Variants in COG7 observed in about 807,000 individuals in gnomAD.
COG7 encodes the protein component of oligomeric golgi complex 7, also known as conserved oligomeric Golgi complex subunit 7.
Under a neutral mutation model 91.5 loss-of-function variants are expected in COG7, and 49 were observed. The observed-to-expected ratio is 0.54, with a 90% CI of 0.43 to 0.68. The LOEUF (loss-of-function observed/expected upper bound fraction) is 0.68, where lower values mean the gene tolerates loss of function less well. COG7 is among the 30% of genes least tolerant of loss of function. The pLI is 0.00. For missense variants in COG7, 895 were observed against 961.3 expected (o/e 0.93, Z 0.91); for synonymous variants, 365 against 388.7 (o/e 0.94, Z 0.72).
chr16:23,394,016 C>G (rs1304322370), intron 14 of COG7, among the ~76,000 whole-genome samples: 1 of 148,344 alleles, frequency 6.7e-6, no homozygotes, highest in African/African-American at 2.5e-5. Context: ...GCACTGCAGC[C>G]TGGGCAGACT....
rs1963137091 is a variant in COG7, at chr16:23,388,849, TG to T, written c.*70del. The T allele has an allele frequency of 6.2e-7, 1 of 1,609,032 alleles. No individual in the cohort carries two copies. Among genetic ancestry groups the T allele is most frequent in the African/African-American group, 1.3e-5 (1 of 74,516 alleles). On this transcript the variant is annotated 3_prime_UTR_variant, in exon 17 of 17. Coordinates refer to ENST00000307149, the MANE Select transcript of COG7 (RefSeq NM_153603.4). ...TCTGCCCAATCTTGGGCAGAGTTTC[TG>T]AGCAAATCTGTGCTGGTGAGTCGCG...
rs566786732 is a variant in COG7 at position 23,427,726 on chromosome 16, C to T, written c.811-2779G>A. Among the ~76,000 whole-genome samples, 40 of 152,232 alleles carry T rather than the reference C, an allele frequency of 2.6e-4. No individual in the cohort carries two copies. In the South Asian group the frequency reaches 7.1e-3, roughly 27 times the overall value. Reference sequence around the variant, plus strand: ...CCCTCTGACTCTCTGTTCTTGTGGTCCATTCATCAGTTACCAGGTCCTAAC... The same window carrying T: ...CCCTCTGACTCTCTGTTCTTGTGGTTCATTCATCAGTTACCAGGTCCTAAC... On this transcript the variant is annotated intron_variant, in intron 6 of 16. Transcript: ENST00000307149.
chr16:23,398,188 C>G, intron 13 of COG7, 59 bp from the exon 14 acceptor site: 2 of 1,378,942 alleles, frequency 1.5e-6, no homozygotes, highest in Non-Finnish European at 2.1e-6. Flanking sequence ...TGTGAAGACG[C>G]CACCCAGAAA....
chr16:23,400,289 A>C (rs1963352855), intron 13 of COG7, among the ~76,000 whole-genome samples: 1 of 152,310 alleles, frequency 6.6e-6, no homozygotes, highest in Admixed American at 6.5e-5. Flanking sequence ...AAGCTCAAAA[A>C]CAGCTCAGAG....
At chr16:23,415,148 G>C (rs1259695490) in intron 9 of COG7, 1 of 152,284 alleles carries the variant, frequency 6.6e-6, no homozygotes, top group African/African-American at 2.4e-5. Flanking sequence ...TGCACCAAGA[G>C]AGGTGACAGC....
intron 4 of COG7, among the ~76,000 whole-genome samples, chr16:23,436,276 T>C (rs1337941492): frequency 6.6e-6 from 1 of 152,172 alleles, no homozygotes; most frequent in African/African-American, 2.4e-5. Flanking sequence ...AAAAATTAAT[T>C]AAAATAATTC....
At chr16:23,437,986 G>A (rs1964037725) in intron 4 of COG7, among the ~76,000 whole-genome samples, 1 of 151,554 alleles carries the variant, frequency 6.6e-6, no homozygotes, top group African/African-American at 2.4e-5. Flanking sequence ...TCGGGAAGCT[G>A]AGGCAGGAGA....
rs144384022 is a variant in COG7 at position 23,399,359 on chromosome 16, C to T, written c.1804-1230G>A. On this transcript the variant is annotated intron_variant, in intron 13 of 16. Transcript: ENST00000307149. ...TGTCTCAAAAGAGCCTACATTTTTT[C>T]CAGCTAACTCCCAATCCAGCGAGAA... Among the ~76,000 whole-genome samples, 3 of 152,260 alleles carry T rather than the reference C, an allele frequency of 2.0e-5. No individual in the cohort carries two copies. The East Asian group carries it at 5.8e-4, about 29-fold the overall frequency.
intron 16 of COG7, among the ~76,000 whole-genome samples, chr16:23,389,514 C>G (rs1216688408): frequency 6.6e-6 from 1 of 152,174 alleles, no homozygotes; most frequent in Non-Finnish European, 1.5e-5. Context: ...GAAGGACCAG[C>G]TGACCTCACC....
At chr16:23,392,917 C>G (rs1419162087) in intron 15 of COG7, among the ~76,000 whole-genome samples, 3 of 152,066 alleles carry the variant, frequency 2.0e-5, no homozygotes, top group African/African-American at 7.2e-5. Flanking sequence ...GGTGACACAG[C>G]AAGACTCTGT....
intron 2 of COG7, 71 bp downstream of exon 2, chr16:23,445,742 C>G: frequency 1.7e-5 from 26 of 1,506,862 alleles, no homozygotes; most frequent in Non-Finnish European, 2.4e-5. Flanking sequence ...TTCTAAAGCC[C>G]TTACGAGAGT....
rs773663564 is a variant in COG7 at position 23,452,908 on chromosome 16, C to G, written c.87G>C (p.Ala29=). ...CTGCGTGGCCATCCGCCTTCCCGGA[C>G]GCCGCCTCCTTGGAGCCGGCCCTGA... ...AAFRAGSKEA[A]SGKADGHAAT... The change falls in exon 1 of 17, where the codon GCG becomes GCC. Residue 29 remains alanine, a synonymous_variant. Transcript: ENST00000307149. The G allele has an allele frequency of 3.7e-6, 6 of 1,614,078 alleles. No individual in the cohort carries two copies. The highest frequency in any genetic ancestry group is 5.1e-6 in the Non-Finnish European group (6 of 1,179,992).
intron 6 of COG7, among the ~76,000 whole-genome samples, chr16:23,431,731 C>T (rs1378384814): frequency 6.6e-6 from 1 of 150,756 alleles, no homozygotes; most frequent in African/African-American, 2.4e-5. Context: ...ATTGCTTGAA[C>T]CAGAGAGGCG....
chr16:23,444,693 C>T (rs1050545635), intron 3 of COG7, among the ~76,000 whole-genome samples: 1 of 151,572 alleles, frequency 6.6e-6, no homozygotes, highest in South Asian at 2.1e-4. Context: ...TTTGTAGAGA[C>T]GGGGGTCTCA....
At chr16:23,400,008 T>C (rs1008311571) in intron 13 of COG7, among the ~76,000 whole-genome samples, 1 of 152,184 alleles carries the variant, frequency 6.6e-6, no homozygotes, top group Non-Finnish European at 1.5e-5. Flanking sequence ...TGATTATTTT[T>C]AGAGTCCTTC....
At position 23,445,928 on chromosome 16, in the gene COG7, T is replaced by C. The variant is rs1340577280; in HGVS notation, c.203A>G (p.Lys68Arg). The C allele has an allele frequency of 6.2e-7, 1 of 1,613,016 alleles. No individual in the cohort carries two copies. The highest frequency in any genetic ancestry group is 1.3e-5 in the African/African-American group (1 of 74,654). Reference sequence around the variant, plus strand: ...TAGGGCTTCAACATCACGGAGCACTTTGGGCATGTTCTGGAGAGCTTGGTG... The same window carrying C: ...TAGGGCTTCAACATCACGGAGCACTCTGGGCATGTTCTGGAGAGCTTGGTG... Reference protein sequence around the residue: ...TSHQALQNMPKVLRDVEALKQ... With the variant: ...TSHQALQNMPRVLRDVEALKQ... Residue 68 changes from lysine to arginine, a missense_variant, in exon 2 of 17, where the codon AAA becomes AGA. Coordinates refer to ENST00000307149, the MANE Select transcript of COG7 (RefSeq NM_153603.4).
intron 16 of COG7, chr16:23,392,121 C>A: frequency 2.9e-6 from 4 of 1,371,558 alleles, no homozygotes; most frequent in Non-Finnish European, 3.8e-6. Context: ...CTCGCTGAAT[C>A]TTATCTCACT....
At chr16:23,436,344 G>A (rs1964013351) in intron 4 of COG7, among the ~76,000 whole-genome samples, 1 of 152,144 alleles carries the variant, frequency 6.6e-6, no homozygotes, top group African/African-American at 2.4e-5. Context: ...AATGAACTGG[G>A]CATGTATACT....
At chr16:23,434,008 C>T (rs1963974992) in intron 5 of COG7, among the ~76,000 whole-genome samples, 1 of 152,152 alleles carries the variant, frequency 6.6e-6, no homozygotes, top group Non-Finnish European at 1.5e-5. Flanking sequence ...AGCTTCATGT[C>T]CTAACATCAC....
Sources: allele counts gnomAD v4.1 joint callset (sites outside exome capture counted in the v4.1 genomes callset), GRCh38; gene constraint gnomAD v4.1.1; transcripts MANE v1.5; gene names NCBI Gene and HGNC (gene_info 2026-07-23, HGNC 2026-07-21).